RFTN1: variants seen among roughly 807,000 people sequenced by gnomAD.
RFTN1 encodes the protein raftlin.
RFTN1 carries 26 observed loss-of-function variants against 46.5 expected under a neutral mutation model. The observed-to-expected ratio is 0.56, with a 90% CI of 0.41 to 0.78. RFTN1 has a LOEUF of 0.78. Ranked by LOEUF, RFTN1 falls within the 30% of genes least tolerant of loss-of-function variation. RFTN1 has a pLI of 0.00. For synonymous variants in RFTN1, 261 were observed against 284.2 expected (o/e 0.92, Z 0.82); for missense variants, 693 against 718.7 (o/e 0.96, Z 0.41).
At position 16,387,018 on chromosome 3, in the gene RFTN1, G is replaced by A. The variant is rs530274017; in HGVS notation, c.442-8916C>T. Reference sequence around the variant, plus strand: ...AACTGGGATTGTCTGAACAAGCTGGGACATATGGTCACCTGGTTCAGTGTG... The same window carrying A: ...AACTGGGATTGTCTGAACAAGCTGGAACATATGGTCACCTGGTTCAGTGTG... On this transcript the variant is annotated intron_variant, in intron 4 of 9. Transcript: ENST00000334133. The surrounding 1 kb of genome is among the most constrained non-coding windows in gnomAD (Gnocchi z 5.2). 2.0e-5 allele frequency among the ~76,000 whole-genome samples: 3 copies of A among 152,318 alleles called. No individual in the cohort carries two copies. The highest frequency in any genetic ancestry group is 7.2e-5 in the African/African-American group (3 of 41,570).
At position 16,344,541 on chromosome 3, in the gene RFTN1, C is replaced by T. The variant is rs2071515916; in HGVS notation, c.1146+13391G>A. 6.6e-6 allele frequency among the ~76,000 whole-genome samples: 1 copy of T among 152,208 alleles called. No individual in the cohort carries two copies. The highest frequency in any genetic ancestry group is 2.4e-5 in the African/African-American group (1 of 41,530). ...TGCTTTATGTGGAGCCCAAGAGCATCCATGTTCTTATTCTTAGATCCCAAG... is the reference window on the plus strand; with the variant it reads ...TGCTTTATGTGGAGCCCAAGAGCATTCATGTTCTTATTCTTAGATCCCAAG... On this transcript the variant is annotated intron_variant, in intron 7 of 9. Transcript: ENST00000334133. The surrounding 1 kb of genome is among the most constrained non-coding windows in gnomAD (Gnocchi z 4.4).
chr3:16,355,092 C>A (rs1575106022), intron 7 of RFTN1, among the ~76,000 whole-genome samples: 1 of 152,184 alleles, frequency 6.6e-6, no homozygotes, highest in Admixed American at 6.5e-5. Context: ...GTCTGAGGCC[C>A]TCTCTACAGC....
Position 16,474,637 on chromosome 3 carries a change from T to G in RFTN1, c.145+19088A>C, listed in dbSNP as rs371810530. 9.2e-5 allele frequency among the ~76,000 whole-genome samples: 14 copies of G among 152,288 alleles called. No individual in the cohort carries two copies. The highest frequency in any genetic ancestry group is 3.1e-4 in the African/African-American group (13 of 41,554). Reference sequence around the variant, plus strand: ...AAAAATAGGCTCCCCTCCAATGCAATTTTTAAACCACTGATTCACCATGCA... The same window carrying G: ...AAAAATAGGCTCCCCTCCAATGCAAGTTTTAAACCACTGATTCACCATGCA... On this transcript the variant is annotated intron_variant, in intron 2 of 9. Transcript: ENST00000334133. This position sits in a 1 kb window ranked among gnomAD's most constrained non-coding sequence, Gnocchi z 5.5.
intron 4 of RFTN1, among the ~76,000 whole-genome samples, chr3:16,396,815 C>G (rs1334921320): frequency 6.6e-6 from 1 of 152,188 alleles, no homozygotes; most frequent in Non-Finnish European, 1.5e-5. Context: ...GTAATCCCAG[C>G]ACTTCGGGAA....
intron 2 of RFTN1, among the ~76,000 whole-genome samples, chr3:16,435,945 T>TATATATATATATATATATAA (rs2075504714): frequency 7.9e-6 from 1 of 126,126 alleles, no homozygotes; most frequent in African/African-American, 2.9e-5. Context: ...TATATATATA[T>TATATATATATATATATATAA]CACACACATA....
rs117587811 is a variant in RFTN1, at chr3:16,333,621, A to C, written c.1147-6745T>G. 2.6e-5 allele frequency among the ~76,000 whole-genome samples: 4 copies of C among 152,348 alleles called. No homozygotes were observed. In the East Asian group the frequency reaches 7.7e-4, roughly 29 times the overall value. On this transcript the variant is annotated intron_variant, in intron 7 of 9. Coordinates refer to ENST00000334133, the MANE Select transcript of RFTN1 (RefSeq NM_015150.2). The stretch of plus-strand genomic sequence containing the variant: ...TGGAAGGCCTTTCTAAATAACTTAG[A>C]ATCCAGAAACCAAAAAATAAAAATG...
At chr3:16,404,311 T>TA (rs2074781127) in intron 4 of RFTN1, among the ~76,000 whole-genome samples, 1 of 33,754 alleles carries the variant, frequency 3.0e-5, no homozygotes, top group Non-Finnish European at 4.5e-5. Context: ...ATGTAATATA[T>TA]ATTATATATA....
chr3:16,389,922 T>C (rs1418558390), intron 4 of RFTN1, among the ~76,000 whole-genome samples: 1 of 152,180 alleles, frequency 6.6e-6, no homozygotes, highest in Non-Finnish European at 1.5e-5. Flanking sequence ...TCTACCTTCT[T>C]CTCTTGGGAT....
rs2069816870 is a variant in RFTN1 at position 16,327,397 on chromosome 3, A to T, written c.1147-521T>A. Among the ~76,000 whole-genome samples the T allele has an allele frequency of 6.6e-6, 1 of 152,236 alleles. No individual in the cohort carries two copies. The highest frequency in any genetic ancestry group is 2.4e-5 in the African/African-American group (1 of 41,456). On this transcript the variant is annotated intron_variant, in intron 7 of 9. Transcript: ENST00000334133. The surrounding 1 kb of genome is among the most constrained non-coding windows in gnomAD (Gnocchi z 4.2). ...GTGTTATGTGCCCTGCCTTGCAGGGATAAATGAATGCTGCCATGTTTTATT... is the reference window on the plus strand; with the variant it reads ...GTGTTATGTGCCCTGCCTTGCAGGGTTAAATGAATGCTGCCATGTTTTATT...
chr3:16,493,159 T>G (rs922341881), intron 2 of RFTN1, among the ~76,000 whole-genome samples: 2 of 152,076 alleles, frequency 1.3e-5, no homozygotes, highest in African/African-American at 4.8e-5. Flanking sequence ...GGTTGGCTCA[T>G]GGGCCAAATT....
chr3:16,465,112 AT>A lies in RFTN1; in HGVS notation c.145+28612del, dbSNP rs1422359979. On this transcript the variant is annotated intron_variant, in intron 2 of 9. Transcript: ENST00000334133. The surrounding 1 kb of genome is among the most constrained non-coding windows in gnomAD (Gnocchi z 5.1). Reference sequence around the variant, plus strand: ...AAAGGGAGGTGTCTCAGCGAACACAATTAAGGGTCTTTCTATTTTTGGAATA... The same window carrying A: ...AAAGGGAGGTGTCTCAGCGAACACAATAAGGGTCTTTCTATTTTTGGAATA... 1.3e-5 allele frequency among the ~76,000 whole-genome samples: 2 copies of A among 152,150 alleles called. No individual in the cohort carries two copies. The highest frequency in any genetic ancestry group is 2.9e-5 in the Non-Finnish European group (2 of 68,034).
chr3:16,330,705 G>A (rs971664712), intron 7 of RFTN1, among the ~76,000 whole-genome samples: 1 of 152,134 alleles, frequency 6.6e-6, no homozygotes, highest in Non-Finnish European at 1.5e-5. Flanking sequence ...TTGTATTTAT[G>A]GCTCTTTTTT....
In RFTN1 at chr3:16,474,868, C is replaced by T. The variant is rs1334981516; in HGVS notation, c.145+18857G>A. ...CCCCAGCCAGAATACACAGGACTAG[C>T]CATCAAGGGGTAGAAGCAAAAATGG... On this transcript the variant is annotated intron_variant, in intron 2 of 9. Transcript: ENST00000334133. The surrounding 1 kb of genome is among the most constrained non-coding windows in gnomAD (Gnocchi z 5.5). Among the ~76,000 whole-genome samples, 1 of 152,176 alleles carries T rather than the reference C, an allele frequency of 6.6e-6. No homozygotes were observed. The highest frequency in any genetic ancestry group is 6.5e-5 in the Admixed American group (1 of 15,282).
chr3:16,444,499 G>A (rs1014389421), intron 2 of RFTN1, among the ~76,000 whole-genome samples: 3 of 152,188 alleles, frequency 2.0e-5, no homozygotes, highest in African/African-American at 7.2e-5. Flanking sequence ...GTCTGAGCAA[G>A]TGTGAGTGTA....
chr3:16,492,932 G>A (rs1486863036), intron 2 of RFTN1, among the ~76,000 whole-genome samples: 5 of 152,102 alleles, frequency 3.3e-5, no homozygotes, highest in Admixed American at 6.5e-5. Context: ...CAGTCTTCTC[G>A]GGCTATTCCC....
At chr3:16,414,264 T>C (rs1414728986) in intron 3 of RFTN1, among the ~76,000 whole-genome samples, 2 of 141,394 alleles carry the variant, frequency 1.4e-5, no homozygotes, top group African/African-American at 5.2e-5. Flanking sequence ...CATGAGCACC[T>C]AACAGAGTAT....
At chr3:16,438,460 C>T (rs947276379) in intron 2 of RFTN1, among the ~76,000 whole-genome samples, 45 of 151,678 alleles carry the variant, frequency 3.0e-4, no homozygotes, top group African/African-American at 1.1e-3. Flanking sequence ...TGGCGTGCAC[C>T]TATAGTCCCA....
Position 16,433,873 on chromosome 3 carries a change from T to C in RFTN1, c.310A>G (p.Ile104Val). ...KTPLEHIFRA[I>V]LIKKTDRSQK... ...TACCTGTCGGTTTTCTTGATCAGGA[T>C]GGCTCTAAAGATGTGCTCCAGGGGC... The change falls in exon 3 of 10, where the codon ATC becomes GTC. Residue 104 changes from isoleucine (I) to valine (V), a missense_variant. By Grantham distance (29) the Ile-to-Val change is conservative. Coordinates refer to ENST00000334133, the MANE Select transcript of RFTN1 (RefSeq NM_015150.2). This position sits in a 1 kb window ranked among gnomAD's most constrained non-coding sequence, Gnocchi z 4.4. 6.2e-7 allele frequency: 1 copy of C among 1,614,174 alleles called. No individual in the cohort carries two copies.
At position 16,413,742 on chromosome 3, in the gene RFTN1, G is replaced by A. The variant is rs1312156140; in HGVS notation, c.333-4259C>T. ...AATAAAGACACTCTGAGGAGAGCAT[G>A]ACTAATAATAAAATATGCTTCCCCA... On this transcript the variant is annotated intron_variant, in intron 3 of 9. Coordinates refer to ENST00000334133, the MANE Select transcript of RFTN1 (RefSeq NM_015150.2). This position sits in a 1 kb window ranked among gnomAD's most constrained non-coding sequence, Gnocchi z 4.7. Among the ~76,000 whole-genome samples the A allele has an allele frequency of 6.6e-6, 1 of 152,178 alleles. No individual in the cohort carries two copies. The highest frequency in any genetic ancestry group is 2.4e-5 in the African/African-American group (1 of 41,432).
Sources: gnomAD v4.1 joint callset for allele counts (sites outside exome capture counted in the v4.1 genomes callset) on GRCh38, gnomAD v4.1.1 for gene constraint, Gnocchi (gnomAD v3.1) non-coding constraint, MANE v1.5 for transcripts, NCBI Gene and HGNC (gene_info 2026-07-23, HGNC 2026-07-21) for gene names.